The following RNGTT variants were observed in gnomAD, a reference collection of about 807,000 sequenced individuals.
RNGTT encodes the protein mRNA-capping enzyme.
In RNGTT, 33 loss-of-function variants were observed where a neutral mutation model predicts 79.3. The ratio of observed to expected loss-of-function variants is 0.42; its 90% confidence interval spans 0.32 to 0.56. The LOEUF is 0.56. Among genes scored for constraint, RNGTT ranks in the 20% least tolerant of loss-of-function variants. RNGTT has a pLI of 0.17. For missense variants in RNGTT, 497 were observed against 739.1 expected (o/e 0.67, Z 3.80); for synonymous variants, 222 against 235.9 (o/e 0.94, Z 0.54).
At chr6:88,906,321 T>C in intron 5 of RNGTT, 44 bp downstream of exon 5, 1 of 1,316,798 alleles carries the variant, frequency 7.6e-7, no homozygotes, top group Admixed American at 2.3e-5. Context: ...CAATAAAATT[T>C]TTTATTACAA....
chr6:88,821,091 C>T (rs1253699941), intron 11 of RNGTT, among the ~76,000 whole-genome samples: 3 of 152,006 alleles, frequency 2.0e-5, no homozygotes, highest in Admixed American at 6.6e-5. Context: ...AGTATAATAT[C>T]GGCAAAAGAA....
chr6:88,948,354 A>G (rs1582166924), intron 1 of RNGTT, among the ~76,000 whole-genome samples: 1 of 76,466 alleles, frequency 1.3e-5, no homozygotes. Context: ...TCCGGGAGGG[A>G]GGTGGGGGGG....
intron 13 of RNGTT, among the ~76,000 whole-genome samples, chr6:88,753,714 T>C (rs914938110): frequency 5.3e-5 from 8 of 151,812 alleles, no homozygotes; most frequent in Non-Finnish European, 1.0e-4. Context: ...ATAATTAAAA[T>C]ATAAATGCAA....
At chr6:88,839,114 T>C (rs941354345) in intron 11 of RNGTT, among the ~76,000 whole-genome samples, 1 of 151,282 alleles carries the variant, frequency 6.6e-6, no homozygotes, top group East Asian at 1.9e-4. Context: ...ATGACTATGA[T>C]GTTAGCTAAG....
chr6:88,647,715 A>AAAAAAAAGAAAAAAGAAG (rs531898293), intron 14 of RNGTT, among the ~76,000 whole-genome samples: 2 of 142,446 alleles, frequency 1.4e-5, no homozygotes, highest in African/African-American at 6.0e-5. Flanking sequence ...AAAAAAAAAA[A>AAAAAAAAGAAAAAAGAAG]AAGAAGAAGA....
At chr6:88,876,611 T>G (rs1782527788) in intron 8 of RNGTT, among the ~76,000 whole-genome samples, 1 of 152,224 alleles carries the variant, frequency 6.6e-6, no homozygotes, top group African/African-American at 2.4e-5. Context: ...AAATGTTCAA[T>G]AAATATTTGT....
chr6:88,798,293 C>G (rs1300544140), intron 12 of RNGTT, among the ~76,000 whole-genome samples: 3 of 151,796 alleles, frequency 2.0e-5, no homozygotes, highest in African/African-American at 7.3e-5. Flanking sequence ...GGCAAAACCC[C>G]GTATCTACGA....
intron 13 of RNGTT, among the ~76,000 whole-genome samples, chr6:88,751,897 G>A (rs1777852220): frequency 6.6e-6 from 1 of 152,018 alleles, no homozygotes; most frequent in African/African-American, 2.4e-5. Context: ...ATGTAGCTCT[G>A]CAAAAATCTT....
chr6:88,922,046 A>AT lies in RNGTT; in HGVS notation c.367+6938dup, dbSNP rs113358695. Among the ~76,000 whole-genome samples, 89 of 148,128 alleles carry AT rather than the reference A, an allele frequency of 6.0e-4. 1 individual carries two copies. Among genetic ancestry groups the AT allele is most frequent in the Middle Eastern group, 7.0e-3 (2 of 286 alleles). Reference sequence around the variant, plus strand: ...AGGAGTCTGAGGAACAACCACATTAATTTTTTTTTTGCCTTTATTATTATT... The same window carrying AT: ...AGGAGTCTGAGGAACAACCACATTAATTTTTTTTTTTGCCTTTATTATTATT... On this transcript the variant is annotated intron_variant, in intron 4 of 15. Coordinates refer to ENST00000369485, the MANE Select transcript of RNGTT (RefSeq NM_003800.5).
chr6:88,639,125 A>C (rs1186820059), intron 14 of RNGTT, among the ~76,000 whole-genome samples: 2 of 152,192 alleles, frequency 1.3e-5, no homozygotes, highest in Non-Finnish European at 2.9e-5. Context: ...CAGATGATGC[A>C]TCCATGAATA....
chr6:88,660,549 T>TAAAAAAAAAAAAAAAAAA (rs139978224), intron 14 of RNGTT, among the ~76,000 whole-genome samples: 2 of 144,218 alleles, frequency 1.4e-5, no homozygotes, highest in African/African-American at 5.6e-5. Flanking sequence ...GCAACAATGG[T>TAAAAAAAAAAAAAAAAAA]AAAAAAAAAG....
At chr6:88,645,612 G>A (rs895472118) in intron 14 of RNGTT, among the ~76,000 whole-genome samples, 14 of 152,108 alleles carry the variant, frequency 9.2e-5, no homozygotes, top group African/African-American at 3.4e-4. Flanking sequence ...TATACTACAA[G>A]GCTACAGTAA....
chr6:88,900,681 C>G (rs1172771349), intron 6 of RNGTT, among the ~76,000 whole-genome samples: 1 of 151,066 alleles, frequency 6.6e-6, no homozygotes, highest in East Asian at 1.9e-4. Flanking sequence ...TTGCAATGAG[C>G]TGAGATTGCA....
At chr6:88,705,620 A>C (rs1582359051) in intron 13 of RNGTT, among the ~76,000 whole-genome samples, 1 of 152,126 alleles carries the variant, frequency 6.6e-6, no homozygotes, top group East Asian at 1.9e-4. Flanking sequence ...AAGAAAAAGA[A>C]ACCAGAGGTA....
chr6:88,927,833 C>CA (rs112249320), intron 4 of RNGTT, among the ~76,000 whole-genome samples: 138 of 76,550 alleles, frequency 1.8e-3, no homozygotes, highest in African/African-American at 2.1e-3. Context: ...GATTCCATCT[C>CA]AAAAAAAAAA....
chr6:88,945,416 A>C (rs1784975517), intron 1 of RNGTT, among the ~76,000 whole-genome samples: 1 of 152,192 alleles, frequency 6.6e-6, no homozygotes, highest in Admixed American at 6.5e-5. Context: ...GTATCTGACA[A>C]CTTCTTTCTT....
chr6:88,619,949 C>G (rs1772381357), intron 14 of RNGTT, among the ~76,000 whole-genome samples: 1 of 152,186 alleles, frequency 6.6e-6, no homozygotes, highest in Non-Finnish European at 1.5e-5. Flanking sequence ...AAACAGTCTT[C>G]TAGAACTACT....
chr6:88,774,729 G>A (rs1224456574), intron 12 of RNGTT, among the ~76,000 whole-genome samples: 1 of 152,032 alleles, frequency 6.6e-6, no homozygotes, highest in Non-Finnish European at 1.5e-5. Flanking sequence ...GGAAAATATT[G>A]TATGATTCCA....
intron 14 of RNGTT, among the ~76,000 whole-genome samples, chr6:88,645,765 A>G (rs1461663563): frequency 6.6e-6 from 1 of 152,224 alleles, no homozygotes; most frequent in African/African-American, 2.4e-5. Context: ...AGGATTCCCT[A>G]TTTAACAAAT....
Sources: allele counts gnomAD v4.1 joint callset (sites outside exome capture counted in the v4.1 genomes callset), GRCh38; gene constraint gnomAD v4.1.1; transcripts MANE v1.5; gene names NCBI Gene and HGNC (gene_info 2026-07-23, HGNC 2026-07-21).